Variants in ZNF80 observed in about 807,000 individuals in gnomAD.
The protein encoded by ZNF80 is ZNFPT17.
For synonymous variants in ZNF80, 132 were observed against 119.4 expected (o/e 1.11, Z -0.69); for missense variants, 394 against 334.1 (o/e 1.18, Z -1.40).
chr3:114,236,728 C>A lies in ZNF80; in HGVS notation c.347G>T (p.Arg116Leu). 6.2e-7 allele frequency: 1 copy of A among 1,613,384 alleles called. No homozygotes were observed. The highest frequency in any genetic ancestry group is 8.5e-7 in the Non-Finnish European group (1 of 1,179,834). ...GCGGTAGCACAGGAGGTGCGACCTGCGGTTGAAGACCTTCCCGCACTCCAC... is the reference window on the plus strand; with the variant it reads ...GCGGTAGCACAGGAGGTGCGACCTGAGGTTGAAGACCTTCCCGCACTCCAC... ...KCVECGKVFN[R>L]RSHLLCYRQI... Residue 116 changes from arginine to leucine, a missense_variant, in exon 1 of 1, where the codon CGC becomes CTC. By Grantham distance (102) the Arg-to-Leu change is moderately radical. Coordinates refer to ENST00000482457, the MANE Select transcript of ZNF80 (RefSeq NM_007136.4).
At position 114,236,182 on chromosome 3, in the gene ZNF80, C is replaced by T. The variant is rs2107923631; in HGVS notation, c.*71G>A. ...TGCCACTGAATTCAGAGTGCTTCTC[C>T]TCAGTGTGGCTCTCTATGTATCAAA... is the stretch of plus-strand genomic sequence containing the variant. On this transcript the variant is annotated 3_prime_UTR_variant, in exon 1 of 1. Transcript: ENST00000482457. 8.5e-7 allele frequency: 1 copy of T among 1,170,044 alleles called. No individual in the cohort carries two copies. The highest frequency in any genetic ancestry group is 2.3e-5 in the East Asian group (1 of 42,656). The allele number at this position is 1,170,044 out of a possible 1,614,324, so 72.5% of individuals were successfully genotyped here.
In ZNF80 at chr3:114,237,165, G is replaced by T; in HGVS notation, c.-91C>A. 8.4e-7 allele frequency: 1 copy of T among 1,196,514 alleles called. No individual in the cohort carries two copies. The highest frequency in any genetic ancestry group is 2.3e-5 in the East Asian group (1 of 42,972). 74.1% of individuals were successfully genotyped at this position (1,196,514 alleles called of 1,614,324 possible). Reference sequence around the variant, plus strand: ...CTGTGTCCGGAATTGGTGGGTTCTTGGTCTCACTGACTTCAAGAATGAAGC... The same window carrying T: ...CTGTGTCCGGAATTGGTGGGTTCTTTGTCTCACTGACTTCAAGAATGAAGC... On this transcript the variant is annotated 5_prime_UTR_variant, in exon 1 of 1. Transcript: ENST00000482457.
In ZNF80 at chr3:114,236,477, A is replaced by T; in HGVS notation, c.598T>A (p.Tyr200Asn). The change falls in exon 1 of 1, where the codon TAC (tyrosine) becomes AAC (asparagine). Residue 200 changes from tyrosine (Y) to asparagine (N), a missense_variant. Coordinates refer to ENST00000482457, the MANE Select transcript of ZNF80 (RefSeq NM_007136.4). ...KCSECGKTFT[Y>N]RSVFFRHSMT... ...CTATGTCGGAAGAAAACAGAGCGGT[A>T]GGTGAAGGTCTTCCCGCACTCACTG... The T allele has an allele frequency of 6.2e-7, 1 of 1,612,732 alleles. No homozygotes were observed. The highest frequency in any genetic ancestry group is 8.5e-7 in the Non-Finnish European group (1 of 1,178,812).
At position 114,236,076 on chromosome 3, in the gene ZNF80, C is replaced by A; in HGVS notation, c.*177G>T. ...GTGGGCCCACTTGCAAAAGGCCTTC[C>A]CACATATCTCATAGAGTTTATCTCT... is the stretch of plus-strand genomic sequence containing the variant. On this transcript the variant is annotated 3_prime_UTR_variant, in exon 1 of 1. Transcript: ENST00000482457. 1.9e-6 allele frequency: 1 copy of A among 515,730 alleles called. No homozygotes were observed. 31.9% of individuals were successfully genotyped at this position (515,730 alleles called of 1,614,324 possible).
rs1163527302 is a variant in ZNF80, at chr3:114,236,339, C to G, written c.736G>C (p.Glu246Gln). 6.2e-7 allele frequency: 1 copy of G among 1,614,058 alleles called. No homozygotes were observed. The highest frequency in any genetic ancestry group is 8.5e-7 in the Non-Finnish European group (1 of 1,179,936). Residue 246 changes from glutamate to glutamine, a missense_variant, in exon 1 of 1, where the codon GAG (glutamate) becomes CAG (glutamine). Transcript: ENST00000482457. ...AAGTCCTTTCTATGTTCAAGGCACT[C>G]ATAAGGTTTCTCTCCAGTGTGACTC... ...TRSHTGEKPYECLEHRKDFGY... is the reference protein window; with the variant it reads ...TRSHTGEKPYQCLEHRKDFGY...
Position 114,236,374 on chromosome 3 carries a change from C to A in ZNF80, c.701G>T (p.Arg234Leu). The change falls in exon 1 of 1, where the codon CGA (arginine) becomes CTA (leucine). Residue 234 changes from arginine to leucine, a missense_variant. By Grantham distance (102) the Arg-to-Leu change is moderately radical (BLOSUM62 -2). Transcript: ENST00000482457. ...KGFYYSYSLT[R>L]HTRSHTGEKP... is the part of the protein sequence containing the mutation. ...CTCTCCAGTGTGACTCCTTGTATGT[C>A]GAGTGAGGGAATAGCTGTAGTAAAA... is the stretch of plus-strand genomic sequence containing the variant. The A allele has an allele frequency of 1.2e-6, 2 of 1,612,676 alleles. No homozygotes were observed. Among genetic ancestry groups the A allele is most frequent in the African/African-American group, 2.7e-5 (2 of 74,806 alleles).
In ZNF80 at chr3:114,236,634, G is replaced by T; in HGVS notation, c.441C>A (p.Val147=). Residue 147 remains valine (V), a synonymous_variant, in exon 1 of 1, where the codon GTC becomes GTA. Transcript: ENST00000482457. ...TGTGGGTCACACGATGCTGGATGAAGACAGAGTGATAGCTGAAGGTCTTTC... is the reference window on the plus strand; with the variant it reads ...TGTGGGTCACACGATGCTGGATGAATACAGAGTGATAGCTGAAGGTCTTTC... ...ECGKTFSYHS[V]FIQHRVTHTG... 1 of 1,614,108 alleles carries T rather than the reference G, an allele frequency of 6.2e-7. No homozygotes were observed.
At position 114,235,506 on chromosome 3, in the gene ZNF80, G is replaced by C. The variant is rs2078197487; in HGVS notation, c.*747C>G. The C allele has an allele frequency of 6.6e-6, 1 of 152,180 alleles. No homozygotes were observed. The highest frequency in any genetic ancestry group is 2.1e-4 in the South Asian group (1 of 4,836). 9.4% of individuals were successfully genotyped at this position (152,180 alleles called of 1,614,324 possible). ...AGATATGAAAGGATTTTATATGGCA[G>C]TATTTTTATATTCTACGTTCTTACA... On this transcript the variant is annotated 3_prime_UTR_variant, in exon 1 of 1. Transcript: ENST00000482457.
exon 1 of ZNF80, chr3:114,236,834 C>A: frequency 1.2e-6 from 2 of 1,614,158 alleles, no homozygotes; most frequent in Non-Finnish European, 1.7e-6. Context: ...TTTCCACACT[C>A]CTGGCATTCA....
At position 114,236,929 on chromosome 3, in the gene ZNF80, T is replaced by C; in HGVS notation, c.146A>G (p.Tyr49Cys). 6.2e-7 allele frequency: 1 copy of C among 1,614,228 alleles called. No individual in the cohort carries two copies. Among genetic ancestry groups the C allele is most frequent in the Non-Finnish European group, 8.5e-7 (1 of 1,180,048 alleles). The change falls in exon 1 of 1, where the codon TAC (tyrosine) becomes TGC (cysteine). Residue 49 changes from tyrosine (Y) to cysteine (C), a missense_variant. Transcript: ENST00000482457. ...CACGCTCCCACATTCCTTGCATTTGTAGGTCTTCCCCTCACGAACCAAAGT... is the reference window on the plus strand; with the variant it reads ...CACGCTCCCACATTCCTTGCATTTGCAGGTCTTCCCCTCACGAACCAAAGT... Reference protein sequence around the residue: ...KDTLVREGKTYKCKECGSVFN... With the variant: ...KDTLVREGKTCKCKECGSVFN...
rs2078201884 is a variant in ZNF80, at chr3:114,236,325, A to G, written c.750T>C (p.His250=). 6.2e-7 allele frequency: 1 copy of G among 1,613,896 alleles called. No homozygotes were observed. Among genetic ancestry groups the G allele is most frequent in the Non-Finnish European group, 8.5e-7 (1 of 1,179,848 alleles). The stretch of plus-strand genomic sequence containing the variant: ...CAGAGTGGTAGCCAAAGTCCTTTCT[A>G]TGTTCAAGGCACTCATAAGGTTTCT... ...TGEKPYECLE[H]RKDFGYHSAF... The change falls in exon 1 of 1, where the codon CAT becomes CAC. Residue 250 remains histidine (H), a synonymous_variant. Coordinates refer to ENST00000482457, the MANE Select transcript of ZNF80 (RefSeq NM_007136.4).
rs1178034465 is a variant in ZNF80, at chr3:114,236,849, G to T, written c.226C>A (p.Pro76Thr). Residue 76 changes from proline to threonine, a missense_variant, in exon 1 of 1, where the codon CCT becomes ACT. Coordinates refer to ENST00000482457, the MANE Select transcript of ZNF80 (RefSeq NM_007136.4). ...TTTCCACACTCCTGGCATTCATAAGGCTTCACCCCAGTGTGAATCTGCTGA... is the reference window on the plus strand; with the variant it reads ...TTTCCACACTCCTGGCATTCATAAGTCTTCACCCCAGTGTGAATCTGCTGA... ...RHQQIHTGVK[P>T]YECQECGKAF... 1 of 1,614,156 alleles carries T rather than the reference G, an allele frequency of 6.2e-7. No homozygotes were observed. The highest frequency in any genetic ancestry group is 8.5e-7 in the Non-Finnish European group (1 of 1,180,022).
exon 1 of ZNF80, chr3:114,237,052 A>T: frequency 6.2e-7 from 1 of 1,602,076 alleles, no homozygotes. Context: ...ACCTGTCCCC[A>T]ACCCATCGCG....
Position 114,237,014 on chromosome 3 carries a change from C to T in ZNF80, c.61G>A (p.Glu21Lys). ...GDGLHSQVLQ[E>K]QVSTGDNLHE... ...AGATTGTCTCCTGTGGAGACCTGCT[C>T]CTGTAAAACCTGTGAGTGCAGACCA... Residue 21 changes from glutamate (E) to lysine (K), a missense_variant, in exon 1 of 1, where the codon GAG (glutamate) becomes AAG (lysine). Physicochemically the swap from Glu to Lys is moderately conservative, Grantham distance 56. Transcript: ENST00000482457. The T allele has an allele frequency of 1.2e-6, 2 of 1,613,414 alleles. No individual in the cohort carries two copies.
Position 114,237,104 on chromosome 3 carries a change from C to A in ZNF80, c.-30G>T. On this transcript the variant is annotated 5_prime_UTR_variant, in exon 1 of 1. Coordinates refer to ENST00000482457, the MANE Select transcript of ZNF80 (RefSeq NM_007136.4). ...CTCCAGAAGGTCTCCGTGTGGGAGACTGCAGCCAAACTCAAGTGCCCTTCT... is the reference window on the plus strand; with the variant it reads ...CTCCAGAAGGTCTCCGTGTGGGAGAATGCAGCCAAACTCAAGTGCCCTTCT... 1.3e-6 allele frequency: 2 copies of A among 1,552,636 alleles called. No individual in the cohort carries two copies. Among genetic ancestry groups the A allele is most frequent in the Non-Finnish European group, 1.7e-6 (2 of 1,151,696 alleles).
chr3:114,236,492 C>T lies in ZNF80; in HGVS notation c.583G>A (p.Gly195Arg), dbSNP rs967385330. ...GEKPCKCSECGKTFTYRSVFF... is the reference protein window; with the variant it reads ...GEKPCKCSECRKTFTYRSVFF... ...ACAGAGCGGTAGGTGAAGGTCTTCC[C>T]GCACTCACTGCACTTGCAGGGCTTC... Residue 195 changes from glycine to arginine, a missense_variant, in exon 1 of 1, where the codon GGG (glycine) becomes AGG (arginine). Physicochemically the swap from Gly to Arg is moderately radical, Grantham distance 125 (BLOSUM62 -2). Coordinates refer to ENST00000482457, the MANE Select transcript of ZNF80 (RefSeq NM_007136.4). 7 of 1,612,750 alleles carry T rather than the reference C, an allele frequency of 4.3e-6. No homozygotes were observed. Among genetic ancestry groups the T allele is most frequent in the Admixed American group, 1.7e-5 (1 of 59,950 alleles).
chr3:114,236,388 G>T lies in ZNF80; in HGVS notation c.687C>A (p.Ser229Arg). ...TCCTTGTATGTCGAGTGAGGGAATAGCTGTAGTAAAAACCTTTCCCACATT... is the reference window on the plus strand; with the variant it reads ...TCCTTGTATGTCGAGTGAGGGAATATCTGTAGTAAAAACCTTTCCCACATT... ...CKECGKGFYYSYSLTRHTRSH... is the reference protein window; with the variant it reads ...CKECGKGFYYRYSLTRHTRSH... The change falls in exon 1 of 1, where the codon AGC becomes AGA. Residue 229 changes from serine to arginine, a missense_variant. Ser to Arg is a moderately radical substitution (Grantham distance 110, BLOSUM62 -1). Transcript: ENST00000482457. 1 of 1,612,000 alleles carries T rather than the reference G, an allele frequency of 6.2e-7. No individual in the cohort carries two copies. Among genetic ancestry groups the T allele is most frequent in the Non-Finnish European group, 8.5e-7 (1 of 1,178,358 alleles).
chr3:114,237,575 C>G lies in ZNF80; in HGVS notation c.-501G>C, dbSNP rs4682153. On this transcript the variant is annotated 5_prime_UTR_variant, in exon 1 of 1. Coordinates refer to ENST00000482457, the MANE Select transcript of ZNF80 (RefSeq NM_007136.4). Reference sequence around the variant, plus strand: ...CCCAGCGGGTTGCCACTGCTGGCTCCGGCAGCCTGCTTTCATTCTCTTATC... The same window carrying G: ...CCCAGCGGGTTGCCACTGCTGGCTCGGGCAGCCTGCTTTCATTCTCTTATC... 103,502 of 152,852 alleles carry G rather than the reference C, an allele frequency of 0.68. 35,553 individuals are homozygous for G. Among genetic ancestry groups the G allele is most frequent in the African/African-American group, 0.8 (33,342 of 41,452 alleles). The allele number at this position is 152,852 out of a possible 1,614,324, so 9.5% of individuals were successfully genotyped here. A position where few individuals can be genotyped will look rare whatever the true frequency, so the allele number is the denominator to read the frequency against.
In ZNF80 at chr3:114,237,232, C is replaced by A. The variant is rs1385159781; in HGVS notation, c.-158G>T. ...GAGTGTTACAGCTCTTAAGGTGGCG[C>A]GTCTAGAGTTTGTTCCTTCTGATGT... On this transcript the variant is annotated 5_prime_UTR_variant, in exon 1 of 1. Transcript: ENST00000482457. 1.1e-5 allele frequency: 7 copies of A among 624,722 alleles called. No homozygotes were observed. The African/African-American group carries it at 1.3e-4, about 11-fold the overall frequency. 38.7% of individuals were successfully genotyped at this position (624,722 alleles called of 1,614,324 possible). A position where few individuals can be genotyped will look rare whatever the true frequency, so the allele number is the denominator to read the frequency against.
Sources: allele counts gnomAD v4.1 joint callset, GRCh38; gene constraint gnomAD v4.1.1; transcripts MANE v1.5; gene names NCBI Gene and HGNC (gene_info 2026-07-23, HGNC 2026-07-21).